Variants in SAE1 observed in about 807,000 individuals in gnomAD.
SAE1 encodes the protein SUMO1 activating enzyme subunit 1.
A neutral mutation model predicts 40.6 loss-of-function variants in SAE1; 11 were observed. The observed-to-expected ratio is 0.27, with a 90% CI of 0.17 to 0.45. The LOEUF (loss-of-function observed/expected upper bound fraction) is 0.45, where lower values mean the gene tolerates loss of function less well. Ranked by LOEUF, SAE1 falls within the 20% of genes least tolerant of loss-of-function variation. The pLI is 1.00. For synonymous variants in SAE1, 155 were observed against 154.3 expected (o/e 1.00, Z -0.03); for missense variants, 373 against 427.3 (o/e 0.87, Z 1.12).
chr19:47,189,534 C>A (rs1454099992), intron 6 of SAE1, among the ~76,000 whole-genome samples: 1 of 152,012 alleles, frequency 6.6e-6, no homozygotes, highest in African/African-American at 2.4e-5. Context: ...GCACTCCAGC[C>A]TGGGTGACAG....
At chr19:47,190,495 T>C (rs1177364675) in intron 6 of SAE1, among the ~76,000 whole-genome samples, 3 of 152,214 alleles carry the variant, frequency 2.0e-5, no homozygotes, top group African/African-American at 7.2e-5. Flanking sequence ...TGCTGCTAAC[T>C]GGAGTCTGAC....
At chr19:47,185,982 G>A (rs2058541948) in intron 6 of SAE1, among the ~76,000 whole-genome samples, 1 of 149,766 alleles carries the variant, frequency 6.7e-6, no homozygotes, top group African/African-American at 2.4e-5. Context: ...GCTCATGCCT[G>A]TAATCCCAGC....
At chr19:47,159,602 T>G (rs2058345958) in intron 5 of SAE1, among the ~76,000 whole-genome samples, 1 of 151,996 alleles carries the variant, frequency 6.6e-6, no homozygotes, top group Non-Finnish European at 1.5e-5. Context: ...TCACCTAGGC[T>G]GAAGTGCAGT....
chr19:47,179,053 G>A (rs942099591), intron 6 of SAE1, among the ~76,000 whole-genome samples: 17 of 151,752 alleles, frequency 1.1e-4, no homozygotes, highest in Admixed American at 6.6e-4. Flanking sequence ...TTAGCCGGGC[G>A]TGGTGGCGGG....
At chr19:47,153,485 T>TGATA (rs1568590611) in intron 4 of SAE1, among the ~76,000 whole-genome samples, 1 of 152,180 alleles carries the variant, frequency 6.6e-6, no homozygotes, top group African/African-American at 2.4e-5. Context: ...AGATGGCAGA[T>TGATA]GATACATTAT....
intron 6 of SAE1, among the ~76,000 whole-genome samples, chr19:47,177,273 A>G (rs946711988): frequency 3.9e-5 from 6 of 152,248 alleles, no homozygotes; most frequent in African/African-American, 1.4e-4. Context: ...TGCCAATGTG[A>G]AAGACAAACA....
rs187998583 is a variant in SAE1, at chr19:47,204,958, G to A, written c.948+1218G>A. Among the ~76,000 whole-genome samples the A allele has an allele frequency of 2.0e-5, 3 of 152,252 alleles. No homozygotes were observed. The East Asian group carries it at 5.8e-4, about 29-fold the overall frequency. On this transcript the variant is annotated intron_variant, in intron 8 of 8. Transcript: ENST00000270225. Reference sequence around the variant, plus strand: ...TCTCAGAAGGGAAGCATCTTATACAGGGTCACATAACCAGTAACTAGCACA... The same window carrying A: ...TCTCAGAAGGGAAGCATCTTATACAAGGTCACATAACCAGTAACTAGCACA...
chr19:47,184,300 G>A (rs2058528966), intron 6 of SAE1, among the ~76,000 whole-genome samples: 1 of 152,186 alleles, frequency 6.6e-6, no homozygotes, highest in Non-Finnish European at 1.5e-5. Flanking sequence ...AGAATGTGGT[G>A]ACTTTTAAAT....
At chr19:47,187,238 C>T (rs2058549845) in intron 6 of SAE1, among the ~76,000 whole-genome samples, 1 of 152,190 alleles carries the variant, frequency 6.6e-6, no homozygotes. Context: ...CCTCCTCCCC[C>T]AGCCCAGCTA....
At chr19:47,176,774 C>G (rs961989670) in intron 6 of SAE1, among the ~76,000 whole-genome samples, 2 of 152,208 alleles carry the variant, frequency 1.3e-5, no homozygotes, top group African/African-American at 2.4e-5. Context: ...TGTACGCTTC[C>G]TGCTGCATTT....
At chr19:47,149,215 G>A (rs2058272619) in intron 2 of SAE1, among the ~76,000 whole-genome samples, 1 of 139,318 alleles carries the variant, frequency 7.2e-6, no homozygotes, top group Admixed American at 7.8e-5. Context: ...CTGTTGCCCA[G>A]GCTGGAGTAC....
intron 6 of SAE1, among the ~76,000 whole-genome samples, chr19:47,181,780 C>CTTTTTTT (rs36107839): frequency 2.1e-4 from 20 of 96,436 alleles, no homozygotes; most frequent in East Asian, 3.0e-4. Context: ...CACCTGGCCT[C>CTTTTTTT]TTTTTTTTTT....
chr19:47,134,310 G>A (rs763269394), intron 1 of SAE1, among the ~76,000 whole-genome samples: 1 of 151,482 alleles, frequency 6.6e-6, no homozygotes, highest in African/African-American at 2.4e-5. Flanking sequence ...AATTTAGTTT[G>A]AGGGGGTGGG....
At chr19:47,174,596 G>A (rs1356299554) in intron 6 of SAE1, among the ~76,000 whole-genome samples, 4 of 123,686 alleles carry the variant, frequency 3.2e-5, no homozygotes, top group South Asian at 2.6e-4. Context: ...TTTGTGAGAC[G>A]GAGTCTCGCT....
At chr19:47,161,508 T>A (rs1021470626) in intron 5 of SAE1, among the ~76,000 whole-genome samples, 1 of 152,168 alleles carries the variant, frequency 6.6e-6, no homozygotes, top group Non-Finnish European at 1.5e-5. Flanking sequence ...GAGCTGCTGG[T>A]ACATTTGTGT....
At chr19:47,189,945 T>C (rs1218735579) in intron 6 of SAE1, among the ~76,000 whole-genome samples, 1 of 152,238 alleles carries the variant, frequency 6.6e-6, no homozygotes, top group Non-Finnish European at 1.5e-5. Context: ...TGAGATTAAA[T>C]TTGAATTTGA....
chr19:47,194,789 G>A (rs1418519837), intron 6 of SAE1, among the ~76,000 whole-genome samples: 2 of 141,222 alleles, frequency 1.4e-5, no homozygotes, highest in East Asian at 2.1e-4. Flanking sequence ...ACGCTCTATC[G>A]CACAGGCAAA....
At chr19:47,167,276 T>A (rs2058399644) in intron 5 of SAE1, among the ~76,000 whole-genome samples, 1 of 141,388 alleles carries the variant, frequency 7.1e-6, no homozygotes, top group African/African-American at 2.6e-5. Flanking sequence ...ATTTTTGTAT[T>A]TTTTTTTTTT....
At chr19:47,175,226 C>T (rs1477929110) in intron 6 of SAE1, among the ~76,000 whole-genome samples, 1 of 148,246 alleles carries the variant, frequency 6.7e-6, no homozygotes, top group Non-Finnish European at 1.5e-5. Context: ...TTTGTAGGCA[C>T]TACTCTTGTT....
Sources: gnomAD v4.1 joint callset for allele counts (sites outside exome capture counted in the v4.1 genomes callset) on GRCh38, gnomAD v4.1.1 for gene constraint, MANE v1.5 for transcripts, NCBI Gene and HGNC (gene_info 2026-07-23, HGNC 2026-07-21) for gene names.